ACBD5: variants seen among roughly 807,000 people sequenced by gnomAD.
ACBD5 encodes acyl-CoA binding domain containing 5, also known as acyl-CoA-binding domain-containing protein 5.
Under a neutral mutation model 71.8 loss-of-function variants are expected in ACBD5, and 40 were observed. The observed-to-expected ratio is 0.56, with a 90% CI of 0.43 to 0.72. The LOEUF (loss-of-function observed/expected upper bound fraction) is 0.72, where lower values mean the gene tolerates loss of function less well. ACBD5 is among the 30% of genes least tolerant of loss of function. The pLI is 0.00. For missense variants in ACBD5, 559 were observed against 644.5 expected (o/e 0.87, Z 1.44); for synonymous variants, 229 against 218.6 (o/e 1.05, Z -0.42).
chr10:27,217,670 C>G (rs2061820018), intron 7 of ACBD5, among the ~76,000 whole-genome samples: 1 of 151,888 alleles, frequency 6.6e-6, no homozygotes, highest in Non-Finnish European at 1.5e-5. Flanking sequence ...TAAACATTAA[C>G]TGGGCATGAT....
At position 27,195,777 on chromosome 10, in the gene ACBD5, A is replaced by G; in HGVS notation, c.*1653T>C. On this transcript the variant is annotated 3_prime_UTR_variant, in exon 13 of 13. Transcript: ENST00000396271. ...TAAGGAAAAAGAGTTTGGGAAAAGT[A>G]AATTGTATTCTTATACTTTTCAGGC... 1 of 410,538 alleles carries G rather than the reference A, an allele frequency of 2.4e-6. No individual in the cohort carries two copies. Among genetic ancestry groups the G allele is most frequent in the South Asian group, 1.8e-5 (1 of 55,174 alleles). The allele number at this position is 410,538 out of a possible 1,614,324, so 25.4% of individuals were successfully genotyped here. A position where few individuals can be genotyped will look rare whatever the true frequency, so the allele number is the denominator to read the frequency against.
At chr10:27,208,130 A>G (rs1455111628) in intron 10 of ACBD5, 116 bp downstream of exon 10, 9 of 1,126,804 alleles carry the variant, frequency 8.0e-6, no homozygotes, top group Admixed American at 3.7e-5. Context: ...ACCAAGTTCT[A>G]TTTTCTAAAA....
At position 27,239,185 on chromosome 10, in the gene ACBD5, G is replaced by A. The variant is rs1433975137; in HGVS notation, c.181+1134C>T. 3.3e-5 allele frequency among the ~76,000 whole-genome samples: 5 copies of A among 152,162 alleles called. No individual in the cohort carries two copies. In the East Asian group the frequency reaches 7.7e-4, roughly 23 times the overall value. ...GCACTTCAGCCTGGGCAACAAGAGC[G>A]GAACTCCATCTCTAAAGAAATAAAT... On this transcript the variant is annotated intron_variant, in intron 2 of 12. Transcript: ENST00000396271.
intron 13 of ACBD5, chr10:27,186,590 T>C: frequency 7.0e-7 from 1 of 1,424,130 alleles, no homozygotes; most frequent in Non-Finnish European, 9.9e-7. Context: ...ACTTGCATAA[T>C]TATATACTCC....
intron 12 of ACBD5, among the ~76,000 whole-genome samples, chr10:27,199,829 AAAATATAAAC>A (rs1489252548): frequency 2.0e-5 from 3 of 152,094 alleles, no homozygotes; most frequent in African/African-American, 7.2e-5. Context: ...GTCTCTACTA[AAAATATAAAC>A]AAATTAGCCG....
intron 4 of ACBD5, among the ~76,000 whole-genome samples, chr10:27,228,816 T>TATATATATATATATATA (rs71386926): frequency 2.1e-3 from 39 of 18,688 alleles, no homozygotes; most frequent in Non-Finnish European, 4.0e-3. Context: ...TATATATATA[T>TATATATATATATATATA]TTTTTTTTTT....
At chr10:27,219,169 G>A (rs888802046) in intron 6 of ACBD5, among the ~76,000 whole-genome samples, 30 of 151,998 alleles carry the variant, frequency 2.0e-4, no homozygotes, top group African/African-American at 7.0e-4. Context: ...GGGTGTGGTG[G>A]TGCATGCCTG....
intron 12 of ACBD5, among the ~76,000 whole-genome samples, chr10:27,199,047 T>A (rs948017372): frequency 6.6e-6 from 1 of 151,526 alleles, no homozygotes; most frequent in African/African-American, 2.4e-5. Flanking sequence ...AGGCGGAGGT[T>A]GCAGTGAGCT....
chr10:27,192,493 G>A (rs1027329008), downstream of ACBD5, among the ~76,000 whole-genome samples: 17 of 152,052 alleles, frequency 1.1e-4, no homozygotes, highest in African/African-American at 3.6e-4. Context: ...TGTGAGTCAC[G>A]ATGGGGCAGC....
intron 8 of ACBD5, among the ~76,000 whole-genome samples, chr10:27,213,458 T>C (rs2061316579): frequency 2.0e-5 from 3 of 152,104 alleles, no homozygotes; most frequent in African/African-American, 4.8e-5. Context: ...TGGAAGTTTC[T>C]TAAAAAACAA....
chr10:27,191,932 G>A (rs11015601), downstream of ACBD5, among the ~76,000 whole-genome samples: 2 of 151,944 alleles, frequency 1.3e-5, no homozygotes, highest in African/African-American at 4.8e-5. Context: ...ACCTAACAAC[G>A]CATCTTAACT....
Position 27,210,858 on chromosome 10 carries a change from C to A in ACBD5, c.1160G>T (p.Arg387Leu), listed in dbSNP as rs1433206822. ...AGAGAATTCGTCAGTTTCTCCGCCT[C>A]GCTTCTCCCGGTGTGGTGCTCCGCT... The part of the protein sequence containing the change: ...NNSGAPHREK[R>L]GGETDEFSNV... The change falls in exon 9 of 13, where the codon CGA becomes CTA. Residue 387 changes from arginine (R) to leucine (L), a missense_variant. Transcript: ENST00000396271. The A allele has an allele frequency of 2.5e-6, 4 of 1,614,206 alleles. No individual in the cohort carries two copies. Among genetic ancestry groups the A allele is most frequent in the Non-Finnish European group, 3.4e-6 (4 of 1,180,038 alleles).
chr10:27,221,604 T>C (rs964103871), intron 5 of ACBD5, among the ~76,000 whole-genome samples: 1 of 152,136 alleles, frequency 6.6e-6, no homozygotes, highest in Non-Finnish European at 1.5e-5. Flanking sequence ...ATGCCTGACA[T>C]ACATAAAACA....
At chr10:27,213,080 G>C (rs2137145840) in intron 8 of ACBD5, among the ~76,000 whole-genome samples, 1 of 152,228 alleles carries the variant, frequency 6.6e-6, no homozygotes, top group Admixed American at 6.5e-5. Context: ...AGGATATAAA[G>C]AGGCCAAACA....
intron 7 of ACBD5, among the ~76,000 whole-genome samples, chr10:27,217,455 C>CA (rs34616799): frequency 0.071 from 8,224 of 115,450 alleles, 360 homozygotes; most frequent in Admixed American, 0.14. Context: ...GACACCATCT[C>CA]AAAAAAAAAA....
At chr10:27,184,131 G>C (rs983658974) in intron 13 of ACBD5, among the ~76,000 whole-genome samples, 4 of 152,134 alleles carry the variant, frequency 2.6e-5, no homozygotes, top group African/African-American at 4.8e-5. Context: ...CTGTCCTCGT[G>C]GAACTTACAT....
chr10:27,230,574 A>G (rs972566146), intron 4 of ACBD5, among the ~76,000 whole-genome samples: 1 of 152,198 alleles, frequency 6.6e-6, no homozygotes, highest in Non-Finnish European at 1.5e-5. Context: ...AGGCAGGTGG[A>G]TCACCTGAGG....
At chr10:27,225,092 T>TA (rs1166853812) in intron 4 of ACBD5, among the ~76,000 whole-genome samples, 2 of 150,826 alleles carry the variant, frequency 1.3e-5, no homozygotes, top group Admixed American at 1.3e-4. Context: ...TTTTTTTTTT[T>TA]GGAGACAGCG....
At chr10:27,208,201 C>T (rs1334440062) in intron 10 of ACBD5, 45 bp downstream of exon 10, 1 of 1,585,200 alleles carries the variant, frequency 6.3e-7, no homozygotes, top group South Asian at 1.1e-5. Context: ...CATTGCTTTC[C>T]AGAATCAATA....
Sources: gnomAD v4.1 joint callset for allele counts (sites outside exome capture counted in the v4.1 genomes callset) on GRCh38, gnomAD v4.1.1 for gene constraint, MANE v1.5 for transcripts, NCBI Gene and HGNC (gene_info 2026-07-23, HGNC 2026-07-21) for gene names.